Variants in CADM2 observed in about 807,000 individuals in gnomAD.
CADM2 encodes the protein cell adhesion molecule 2.
Under a neutral mutation model 49.8 loss-of-function variants are expected in CADM2, and 12 were observed. The observed-to-expected ratio is 0.24, with a 90% CI of 0.15 to 0.39. The LOEUF is 0.39. Among genes scored for constraint, CADM2 ranks in the 10% least tolerant of loss-of-function variants. The probability of loss-of-function intolerance (pLI) is 1.00; values close to 1 mark genes in which losing one functional copy is unlikely to be tolerated. For missense variants in CADM2, 378 were observed against 492.3 expected (o/e 0.77, Z 2.20); for synonymous variants, 214 against 175.4 (o/e 1.22, Z -1.74).
At chr3:85,398,438 T>G (rs1398117055) in intron 1 of CADM2, among the ~76,000 whole-genome samples, 1 of 152,148 alleles carries the variant, frequency 6.6e-6, no homozygotes, top group East Asian at 1.9e-4. Flanking sequence ...CAAGTCTTTG[T>G]TATTGTGAAT....
In CADM2 at chr3:85,847,131, G is replaced by A. The variant is rs1284185685; in HGVS notation, c.239-36160G>A. Among the ~76,000 whole-genome samples, 12 of 152,330 alleles carry A rather than the reference G, an allele frequency of 7.9e-5. No individual in the cohort carries two copies. In the South Asian group the frequency reaches 2.5e-3, roughly 32 times the overall value. ...ACCAGTAATGATGTTGACATTAGCA[G>A]TGTGCCAGGCTGTTAATAACTTTTG... On this transcript the variant is annotated intron_variant, in intron 3 of 9. Transcript: ENST00000383699.
At chr3:85,885,523 C>T (rs958936944) in intron 4 of CADM2, among the ~76,000 whole-genome samples, 5 of 151,722 alleles carry the variant, frequency 3.3e-5, no homozygotes, top group East Asian at 2.0e-4. Flanking sequence ...ATCTACTAAA[C>T]GTACAAAAAT....
At chr3:85,580,029 A>G (rs1327662582) in intron 1 of CADM2, among the ~76,000 whole-genome samples, 1 of 152,182 alleles carries the variant, frequency 6.6e-6, no homozygotes, top group Non-Finnish European at 1.5e-5. Flanking sequence ...TTACTCAGCT[A>G]AATCATTGTC....
intron 3 of CADM2, among the ~76,000 whole-genome samples, chr3:85,875,663 C>T (rs1028217756): frequency 6.6e-6 from 1 of 152,136 alleles, no homozygotes; most frequent in African/African-American, 2.4e-5. Context: ...TAGCAGATTG[C>T]ATGAGTCAGT....
intron 1 of CADM2, among the ~76,000 whole-genome samples, chr3:85,236,996 A>G (rs1382461712): frequency 6.6e-6 from 1 of 152,110 alleles, no homozygotes; most frequent in African/African-American, 2.4e-5. Context: ...AGTTTGTTGA[A>G]TGAATAACAA....
chr3:85,538,326 C>T (rs1358964954), intron 1 of CADM2, among the ~76,000 whole-genome samples: 1 of 152,048 alleles, frequency 6.6e-6, no homozygotes, highest in African/African-American at 2.4e-5. Flanking sequence ...CACAGCTTGC[C>T]AACAGCTCTG....
chr3:85,135,631 A>G (rs767798323), intron 1 of CADM2, among the ~76,000 whole-genome samples: 5 of 152,110 alleles, frequency 3.3e-5, no homozygotes, highest in Admixed American at 3.3e-4. Context: ...GATTCAGTAC[A>G]TGAGTTTTTC....
At chr3:85,963,882 A>T (rs1364512462) in intron 8 of CADM2, among the ~76,000 whole-genome samples, 1 of 151,828 alleles carries the variant, frequency 6.6e-6, no homozygotes, top group Non-Finnish European at 1.5e-5. Flanking sequence ...CATCCCATAG[A>T]TTAATGCTAT....
At chr3:85,416,684 A>C (rs1285853668) in intron 1 of CADM2, among the ~76,000 whole-genome samples, 3 of 152,146 alleles carry the variant, frequency 2.0e-5, no homozygotes, top group African/African-American at 7.2e-5. Flanking sequence ...ATACGAAAAA[A>C]ATTTCACAAA....
chr3:85,818,114 A>T (rs2073328598), intron 3 of CADM2, among the ~76,000 whole-genome samples: 1 of 152,136 alleles, frequency 6.6e-6, no homozygotes, highest in Non-Finnish European at 1.5e-5. Flanking sequence ...ATCAGACATA[A>T]AGCAAAGACC....
At chr3:85,335,790 T>C (rs2045064817) in intron 1 of CADM2, among the ~76,000 whole-genome samples, 1 of 151,516 alleles carries the variant, frequency 6.6e-6, no homozygotes, top group Non-Finnish European at 1.5e-5. Flanking sequence ...GTTTACTAAT[T>C]TACCCAACTA....
chr3:85,430,148 T>C (rs1360713345), intron 1 of CADM2, among the ~76,000 whole-genome samples: 1 of 152,128 alleles, frequency 6.6e-6, no homozygotes, highest in Non-Finnish European at 1.5e-5. Flanking sequence ...AAAATAAGCA[T>C]GTGCAAGGGC....
intron 1 of CADM2, among the ~76,000 whole-genome samples, chr3:85,650,994 C>T (rs1030342563): frequency 1.0e-4 from 15 of 149,106 alleles, no homozygotes; most frequent in African/African-American, 3.0e-4. Context: ...TACCATTTTC[C>T]GCACCCCCAA....
At chr3:85,697,013 A>T (rs763891727) in intron 1 of CADM2, among the ~76,000 whole-genome samples, 1 of 151,106 alleles carries the variant, frequency 6.6e-6, no homozygotes, top group Non-Finnish European at 1.5e-5. Flanking sequence ...TGTTTGAAAC[A>T]CTAACTAAAC....
chr3:85,637,128 T>A (rs866524511), intron 1 of CADM2, among the ~76,000 whole-genome samples: 6 of 152,344 alleles, frequency 3.9e-5, no homozygotes, highest in Middle Eastern at 3.4e-3. Flanking sequence ...ATTCTTTTTT[T>A]TAAATTGAAA....
intron 1 of CADM2, among the ~76,000 whole-genome samples, chr3:85,257,840 T>C (rs953016983): frequency 6.6e-5 from 10 of 152,120 alleles, no homozygotes; most frequent in African/African-American, 2.2e-4. Flanking sequence ...TGTAGTTTCA[T>C]AGTGACACAA....
chr3:85,374,781 C>T (rs1425166730), intron 1 of CADM2, among the ~76,000 whole-genome samples: 1 of 152,000 alleles, frequency 6.6e-6, no homozygotes, highest in Admixed American at 6.6e-5. Context: ...TCTTGTGAGA[C>T]TTATTCACTC....
At chr3:85,760,990 A>C (rs1047524109) in intron 2 of CADM2, among the ~76,000 whole-genome samples, 1 of 152,154 alleles carries the variant, frequency 6.6e-6, no homozygotes, top group Non-Finnish European at 1.5e-5. Context: ...CATGAGTCCT[A>C]CTGTTAGTAT....
intron 2 of CADM2, among the ~76,000 whole-genome samples, chr3:85,776,698 T>A (rs901555571): frequency 9.2e-5 from 14 of 152,148 alleles, no homozygotes; most frequent in Non-Finnish European, 2.1e-4. Flanking sequence ...ACCACAGAAA[T>A]GTAATATTTC....
Sources: allele counts gnomAD v4.1 joint callset (sites outside exome capture counted in the v4.1 genomes callset), GRCh38; gene constraint gnomAD v4.1.1; transcripts MANE v1.5; gene names NCBI Gene and HGNC (gene_info 2026-07-23, HGNC 2026-07-21).